The following ADAMTSL1 variants were observed in gnomAD, a reference collection of about 807,000 sequenced individuals.
The protein encoded by ADAMTSL1 is ADAMTS-like protein 1.
Under a neutral mutation model 201.8 loss-of-function variants are expected in ADAMTSL1, and 126 were observed. The observed-to-expected ratio is 0.62, with a 90% confidence interval of 0.54 to 0.72. The LOEUF is 0.72. Among genes scored for constraint, ADAMTSL1 ranks in the 30% least tolerant of loss-of-function variants. The pLI is 0.00. For synonymous variants in ADAMTSL1, 1,121 were observed against 903.4 expected, an observed-to-expected ratio of 1.24 and a Z score of -4.32; for missense variants, 2,679 against 2,277.8, an observed-to-expected ratio of 1.18 and a Z score of -3.59.
intron 3 of ADAMTSL1, among the ~76,000 whole-genome samples, chr9:18,572,332 T>G (rs1030955568): frequency 6.6e-6 from 1 of 152,220 alleles, no homozygotes; most frequent in Non-Finnish European, 1.5e-5. Flanking sequence ...GTAAACAGCC[T>G]GTATAGCACA....
chr9:18,650,745 T>G (rs1828190023), intron 7 of ADAMTSL1, among the ~76,000 whole-genome samples: 1 of 152,188 alleles, frequency 6.6e-6, no homozygotes, highest in Non-Finnish European at 1.5e-5. Flanking sequence ...CAGCGTTTCT[T>G]CTAAAAATTT....
intron 2 of ADAMTSL1, among the ~76,000 whole-genome samples, chr9:18,284,072 A>G (rs987729893): frequency 1.3e-5 from 2 of 151,426 alleles, no homozygotes; most frequent in Non-Finnish European, 2.9e-5. Context: ...CTCTACTAAA[A>G]ATAGAAAATT....
At position 18,187,763 on chromosome 9, in the gene ADAMTSL1, G is replaced by A. The variant is rs149004600; in HGVS notation, c.207+23782G>A. Reference sequence around the variant, plus strand: ...AAGGATGGCAGAAAAAAAGCAGGTAGGGAAGGAAGGAAAATGAAAGTTATT... The same window carrying A: ...AAGGATGGCAGAAAAAAAGCAGGTAAGGAAGGAAGGAAAATGAAAGTTATT... On this transcript the variant is annotated intron_variant, in intron 2 of 29. Transcript: ENST00000680146. Among the ~76,000 whole-genome samples the A allele has an allele frequency of 3.6e-3, 554 of 152,168 alleles. 10 individuals carry two copies. Among genetic ancestry groups the A allele is most frequent in the Non-Finnish European group, 1.4e-3 (94 of 68,004 alleles).
rs143448672 is a variant in ADAMTSL1, at chr9:18,332,659, C to T, written c.207+168678C>T. 9.2e-4 allele frequency among the ~76,000 whole-genome samples: 140 copies of T among 152,250 alleles called. 2 individuals carry two copies. In the East Asian group the frequency reaches 0.023, roughly 25 times the overall value. On this transcript the variant is annotated intron_variant, in intron 2 of 29. Coordinates refer to the ADAMTSL1 transcript ENST00000680146. ...TTCAAAAAATTTGCTACAATATGGACGTACAGCATCAATAGAATTTGTTGA... is the reference window on the plus strand; with the variant it reads ...TTCAAAAAATTTGCTACAATATGGATGTACAGCATCAATAGAATTTGTTGA...
intron 2 of ADAMTSL1, among the ~76,000 whole-genome samples, chr9:18,289,163 A>ATCTT (rs1563861541): frequency 1.6e-5 from 2 of 125,958 alleles, no homozygotes; most frequent in Non-Finnish European, 3.3e-5. Context: ...CTATCTATCT[A>ATCTT]TCTATCTATC....
At chr9:18,631,581 A>G (rs1187652030) in intron 5 of ADAMTSL1, among the ~76,000 whole-genome samples, 1 of 152,234 alleles carries the variant, frequency 6.6e-6, no homozygotes, top group Non-Finnish European at 1.5e-5. Context: ...ATCTAAAAAT[A>G]AGATAAACTC....
At chr9:18,337,997 T>A (rs534586963) in intron 2 of ADAMTSL1, among the ~76,000 whole-genome samples, 3 of 152,130 alleles carry the variant, frequency 2.0e-5, no homozygotes, top group South Asian at 2.1e-4. Flanking sequence ...GGGCAAAAGA[T>A]GAAGGGGTAC....
chr9:17,979,127 A>G (rs1005736361), intron 1 of ADAMTSL1, among the ~76,000 whole-genome samples: 9 of 152,002 alleles, frequency 5.9e-5, no homozygotes, highest in Non-Finnish European at 1.2e-4. Flanking sequence ...TGACAGTTTG[A>G]TTATAATGTA....
Position 18,685,017 on chromosome 9 carries a change from A to T in ADAMTSL1, c.1574+217A>T, listed in dbSNP as rs183648586. On this transcript the variant is annotated intron_variant, in intron 13 of 28. Coordinates refer to ENST00000380548, the MANE Select transcript of ADAMTSL1 (RefSeq NM_001040272.6). ...CTTCTGTTTTGCCTAAAGTAAGAAA[A>T]TGAAGGTGTAGTGCTTACCCTCTTC... The T allele has an allele frequency of 5.7e-4, 734 of 1,294,974 alleles. 3 individuals carry two copies. The highest frequency in any genetic ancestry group is 1.0e-4 in the Non-Finnish European group (103 of 1,016,246). The allele number at this position is 1,294,974 out of a possible 1,614,324, so 80.2% of individuals were successfully genotyped here.
intron 2 of ADAMTSL1, among the ~76,000 whole-genome samples, chr9:18,246,733 T>C (rs889428380): frequency 6.6e-6 from 1 of 152,198 alleles, no homozygotes; most frequent in Non-Finnish European, 1.5e-5. Flanking sequence ...AATATGTGAA[T>C]TGTAGCAGGA....
chr9:18,412,165 A>C (rs1818471249), intron 2 of ADAMTSL1, among the ~76,000 whole-genome samples: 1 of 152,218 alleles, frequency 6.6e-6, no homozygotes, highest in African/African-American at 2.4e-5. Flanking sequence ...CTGTTAACCA[A>C]AATTCAGATC....
chr9:18,711,657 G>T (rs1832610055), intron 14 of ADAMTSL1, among the ~76,000 whole-genome samples: 1 of 152,236 alleles, frequency 6.6e-6, no homozygotes, highest in South Asian at 2.1e-4. Context: ...CAAGGTGGCA[G>T]CGAGGCTGGG....
At chr9:18,039,679 A>C (rs978482097) in intron 1 of ADAMTSL1, among the ~76,000 whole-genome samples, 4 of 152,168 alleles carry the variant, frequency 2.6e-5, no homozygotes, top group African/African-American at 7.2e-5. Flanking sequence ...AATGCTGTGG[A>C]GACATGCACA....
At chr9:18,094,832 C>G (rs959199521) in intron 1 of ADAMTSL1, among the ~76,000 whole-genome samples, 3 of 145,906 alleles carry the variant, frequency 2.1e-5, no homozygotes, top group African/African-American at 7.7e-5. Context: ...TCCCAAAGTA[C>G]CTGGATTACA....
intron 2 of ADAMTSL1, among the ~76,000 whole-genome samples, chr9:18,447,125 A>G (rs1820221766): frequency 6.6e-6 from 1 of 152,194 alleles, no homozygotes; most frequent in Non-Finnish European, 1.5e-5. Context: ...TGTTTACCAC[A>G]AGTAACAAAA....
intron 2 of ADAMTSL1, among the ~76,000 whole-genome samples, chr9:18,194,749 C>T (rs753376096): frequency 2.6e-5 from 4 of 152,028 alleles, no homozygotes; most frequent in African/African-American, 4.8e-5. Flanking sequence ...AGCAGTGCTC[C>T]CCTGTCCTGC....
intron 1 of ADAMTSL1, among the ~76,000 whole-genome samples, chr9:17,913,935 T>G (rs2131273775): frequency 6.6e-6 from 1 of 152,280 alleles, no homozygotes; most frequent in Admixed American, 6.5e-5. Context: ...AATGGATAAA[T>G]TCCTCGACAC....
At chr9:18,726,065 T>A (rs476460) in intron 15 of ADAMTSL1, among the ~76,000 whole-genome samples, 141,732 of 152,292 alleles carry the variant, frequency 0.93, 66,206 homozygotes, top group Middle Eastern at 0.99. Flanking sequence ...TGAAATAGGA[T>A]CATAGTAGGC....
intron 2 of ADAMTSL1, among the ~76,000 whole-genome samples, chr9:18,322,358 T>A (rs1396145872): frequency 6.6e-6 from 1 of 152,118 alleles, no homozygotes; most frequent in East Asian, 1.9e-4. Context: ...CAGTACCAGG[T>A]GTGGTGGCTT....
Sources: gnomAD v4.1 joint callset for allele counts (sites outside exome capture counted in the v4.1 genomes callset) on GRCh38, gnomAD v4.1.1 for gene constraint, MANE v1.5 for transcripts, NCBI Gene and HGNC (gene_info 2026-07-23, HGNC 2026-07-21) for gene names.